The following KCND3 variants were observed in gnomAD, a reference collection of about 807,000 sequenced individuals.
KCND3 encodes the protein potassium voltage-gated channel subfamily D member 3.
In KCND3, 9 loss-of-function variants were observed where a neutral mutation model predicts 51.1. The ratio of observed to expected loss-of-function variants is 0.18; its 90% CI spans 0.11 to 0.31. The LOEUF (loss-of-function observed/expected upper bound fraction) is 0.31. Among genes scored for constraint, KCND3 ranks in the 10% least tolerant of loss-of-function variants. The pLI is 1.00. For synonymous variants in KCND3, 349 were observed against 368.0 expected (o/e 0.95, Z 0.59); for missense variants, 526 against 903.8 (o/e 0.58, Z 5.36).
chr1:111,830,857 A>G lies in KCND3; in HGVS notation c.1107-43751T>C, dbSNP rs575643239. On this transcript the variant is annotated intron_variant, in intron 2 of 7. Transcript: ENST00000302127. ...AGTATTTAAAAACATTTAAAAATTC[A>G]CAGTGCTAAATTTCTAACCCTACAT... Among the ~76,000 whole-genome samples the G allele has an allele frequency of 1.3e-3, 191 of 152,402 alleles. 2 individuals are homozygous for G. Among genetic ancestry groups the G allele is most frequent in the African/African-American group, 4.5e-3 (189 of 41,600 alleles).
At chr1:111,926,787 C>T (rs1160531619) in intron 2 of KCND3, among the ~76,000 whole-genome samples, 1 of 152,282 alleles carries the variant, frequency 6.6e-6, no homozygotes, top group African/African-American at 2.4e-5. Context: ...CTGACGCAGG[C>T]AGCTGCGCGC....
chr1:111,924,123 C>T (rs1671594192), intron 2 of KCND3, among the ~76,000 whole-genome samples: 1 of 152,248 alleles, frequency 6.6e-6, no homozygotes, highest in African/African-American at 2.4e-5. Flanking sequence ...TGCCCTCCAA[C>T]TATTCATTCA....
intron 2 of KCND3, among the ~76,000 whole-genome samples, chr1:111,912,481 G>A (rs954561640): frequency 1.3e-5 from 2 of 152,170 alleles, no homozygotes; most frequent in East Asian, 1.9e-4. Flanking sequence ...ACCAGTTACT[G>A]TTATTTTACA....
At chr1:111,882,056 T>G (rs998073157) in intron 2 of KCND3, among the ~76,000 whole-genome samples, 1 of 152,100 alleles carries the variant, frequency 6.6e-6, no homozygotes, top group African/African-American at 2.4e-5. Context: ...GGGAGGCAGG[T>G]GGGTGGCCTC....
intron 1 of KCND3, among the ~76,000 whole-genome samples, chr1:111,986,878 G>A (rs1675315641): frequency 6.6e-6 from 1 of 152,160 alleles, no homozygotes; most frequent in Non-Finnish European, 1.5e-5. Context: ...GAAACCAGGG[G>A]CAATCCAAGG....
chr1:111,916,655 C>T (rs1182837251), intron 2 of KCND3, among the ~76,000 whole-genome samples: 1 of 151,894 alleles, frequency 6.6e-6, no homozygotes, highest in East Asian at 1.9e-4. Flanking sequence ...TAAAAAAATG[C>T]CAGACTAATC....
intron 2 of KCND3, among the ~76,000 whole-genome samples, chr1:111,979,063 C>T (rs1376898593): frequency 1.3e-5 from 2 of 152,176 alleles, no homozygotes; most frequent in Non-Finnish European, 2.9e-5. Context: ...TTTGGTTCTC[C>T]TCCCAGAAGC....
chr1:111,897,569 T>C (rs1281585215), intron 2 of KCND3, among the ~76,000 whole-genome samples: 1 of 152,132 alleles, frequency 6.6e-6, no homozygotes, highest in Non-Finnish European at 1.5e-5. Context: ...TCTAGCTGGG[T>C]ATGTGGGTTT....
At chr1:111,789,472 G>A (rs1028004677) in intron 2 of KCND3, among the ~76,000 whole-genome samples, 2 of 152,184 alleles carry the variant, frequency 1.3e-5, no homozygotes, top group Admixed American at 6.5e-5. Flanking sequence ...AATCCCACCC[G>A]GGAGACAGGA....
intron 2 of KCND3, among the ~76,000 whole-genome samples, chr1:111,806,914 T>G (rs1318654380): frequency 1.3e-5 from 2 of 152,332 alleles, no homozygotes; most frequent in East Asian, 3.9e-4. Flanking sequence ...GTGCTTTACC[T>G]TCAGGGTGAA....
Position 111,776,410 on chromosome 1 carries a change from A to T in KCND3, c.1767-132T>A. ...TGTGCCTCTATCTCTGCCTTTTGTA[A>T]TCAACTTGTAATTATCCATTCTAAT... On this transcript the variant is annotated intron_variant, in intron 7 of 7. Coordinates refer to ENST00000302127, the MANE Select transcript of KCND3 (RefSeq NM_001378969.1). The T allele has an allele frequency of 3.6e-6, 3 of 830,184 alleles. No homozygotes were observed. In the East Asian group the frequency reaches 7.9e-5, roughly 22 times the overall value. The allele number at this position is 830,184 out of a possible 1,614,324, so 51.4% of individuals were successfully genotyped here.
chr1:111,913,175 T>C (rs1671044693), intron 2 of KCND3, among the ~76,000 whole-genome samples: 2 of 152,386 alleles, frequency 1.3e-5, no homozygotes, highest in Middle Eastern at 3.4e-3. Flanking sequence ...TACCATTGTG[T>C]TACAATTGCC....
At chr1:111,943,399 C>T (rs58389451) in intron 2 of KCND3, among the ~76,000 whole-genome samples, 284 of 152,288 alleles carry the variant, frequency 1.9e-3, no homozygotes, top group African/African-American at 6.6e-3. Context: ...GCCCACTGGA[C>T]TAGAGGCAGT....
chr1:111,816,068 A>G (rs779297849), intron 2 of KCND3, among the ~76,000 whole-genome samples: 5 of 152,258 alleles, frequency 3.3e-5, no homozygotes, highest in Non-Finnish European at 5.9e-5. Context: ...AATCCTTGCA[A>G]CAGTCAACGA....
At chr1:111,807,870 G>A (rs1665652023) in intron 2 of KCND3, among the ~76,000 whole-genome samples, 1 of 152,126 alleles carries the variant, frequency 6.6e-6, no homozygotes, top group South Asian at 2.1e-4. Context: ...ATGCATGGCT[G>A]TATTGGAAGT....
chr1:111,921,208 G>A (rs1177626785), intron 2 of KCND3, among the ~76,000 whole-genome samples: 3 of 152,168 alleles, frequency 2.0e-5, no homozygotes, highest in Admixed American at 1.3e-4. Context: ...TAAACCAATT[G>A]AGGAAAGCAG....
chr1:111,852,795 T>C (rs918715415), intron 2 of KCND3, among the ~76,000 whole-genome samples: 4 of 152,138 alleles, frequency 2.6e-5, no homozygotes, highest in African/African-American at 9.7e-5. Flanking sequence ...ACCACTTAGG[T>C]TTAAGCAACA....
intron 1 of KCND3, among the ~76,000 whole-genome samples, chr1:111,986,357 T>C (rs1465319085): frequency 2.6e-5 from 4 of 152,234 alleles, no homozygotes; most frequent in Non-Finnish European, 4.4e-5. Context: ...TCTGTGTATA[T>C]GGGAGCTGAC....
chr1:111,779,975 G>A (rs898181404), intron 5 of KCND3, among the ~76,000 whole-genome samples: 1 of 152,244 alleles, frequency 6.6e-6, no homozygotes, highest in African/African-American at 2.4e-5. Context: ...GGAGACGAGT[G>A]TAGGAGTGTG....
Sources: allele counts gnomAD v4.1 joint callset (sites outside exome capture counted in the v4.1 genomes callset), GRCh38; gene constraint gnomAD v4.1.1; transcripts MANE v1.5; gene names NCBI Gene and HGNC (gene_info 2026-07-23, HGNC 2026-07-21).